CCNB3: variants seen among roughly 807,000 people sequenced by gnomAD.
CCNB3 encodes the protein G2/mitotic-specific cyclin-B3.
CCNB3 carries 12 observed loss-of-function variants against 68.0 expected under a neutral mutation model. The ratio of observed to expected loss-of-function variants is 0.18; its 90% confidence interval spans 0.11 to 0.29. The LOEUF (loss-of-function observed/expected upper bound fraction) is 0.29, where lower values mean the gene tolerates loss of function less well. CCNB3 is among the 10% of genes least tolerant of loss of function. The probability of loss-of-function intolerance (pLI) is 1.00; values close to 1 mark genes in which losing one functional copy is unlikely to be tolerated. For missense variants in CCNB3, 904 were observed against 993.1 expected (o/e 0.91, Z 1.21); for synonymous variants, 354 against 388.9 (o/e 0.91, Z 1.06).
intron 1 of CCNB3, among the ~76,000 whole-genome samples, chrX:50,279,833 A>C (rs1265188679): frequency 1.1e-5 from 1 of 88,481 alleles, no homozygotes; most frequent in Non-Finnish European, 2.1e-5. Context: ...ATATAAATAC[A>C]TATACTTTAT....
chrX:50,311,599 TG>T lies in CCNB3; in HGVS notation c.3327+104del, dbSNP rs201828940. 41 of 635,844 alleles carry T rather than the reference TG, an allele frequency of 6.4e-5. No individual in the cohort carries two copies. The African/African-American group carries it at 8.8e-4, about 14-fold the overall frequency. The allele number at this position is 635,844 out of a possible 1,213,427, so 52.4% of individuals were successfully genotyped here. ...TTTTTTTTTTGTTTTTGTTTTTTGT[TG>T]TTGTTGTTGTTTTTTTGCCTTCCTA... On this transcript the variant is annotated intron_variant, in intron 6 of 12. Transcript: ENST00000376042.
At chrX:50,295,293 T>G (rs1217549652) in intron 5 of CCNB3, among the ~76,000 whole-genome samples, 1 of 111,674 alleles carries the variant, frequency 9.0e-6, no homozygotes, top group Non-Finnish European at 1.9e-5. Flanking sequence ...AGTCTGTGCT[T>G]TATAGTGTGG....
At chrX:50,226,400 A>T (rs1345684908) in intron 1 of CCNB3, among the ~76,000 whole-genome samples, 1 of 18,967 alleles carries the variant, frequency 5.3e-5, no homozygotes, top group African/African-American at 2.6e-4. Context: ...AATATATATA[A>T]AAATATATAT....
chrX:50,307,714 A>G (rs897037290), intron 5 of CCNB3, among the ~76,000 whole-genome samples: 2 of 110,679 alleles, frequency 1.8e-5, no homozygotes, highest in South Asian at 3.9e-4. Flanking sequence ...GCCTCAGGAA[A>G]CCACTAGTCT....
upstream of CCNB3, chrX:50,202,858 A>G (rs782545341): frequency 9.0e-6 from 1 of 111,697 alleles, no homozygotes; most frequent in East Asian, 2.8e-4. Context: ...ATGTAAGGGA[A>G]GAATCAAGGC....
At chrX:50,290,192 G>T (rs1388846051) in intron 4 of CCNB3, among the ~76,000 whole-genome samples, 3 of 112,098 alleles carry the variant, frequency 2.7e-5, no homozygotes, top group African/African-American at 9.7e-5. Flanking sequence ...TGCAAGGAAA[G>T]TGTCTAAGTC....
intron 1 of CCNB3, among the ~76,000 whole-genome samples, chrX:50,279,845 AATATAAAATATATATACTAT>A (rs1389086527): frequency 1.0e-4 from 9 of 88,036 alleles, no homozygotes; most frequent in Non-Finnish European, 1.9e-4. Context: ...ATACTTTATA[AATATAAAATATATATACTAT>A]ATATAAAATA....
intron 1 of CCNB3, among the ~76,000 whole-genome samples, chrX:50,279,779 C>G (rs1161800376): frequency 1.2e-5 from 1 of 84,193 alleles, no homozygotes; most frequent in Non-Finnish European, 2.2e-5. Flanking sequence ...TATGTATATT[C>G]ATATATGTAA....
chrX:50,302,769 G>T, intron 5 of CCNB3, among the ~76,000 whole-genome samples: 1 of 111,763 alleles, frequency 8.9e-6, no homozygotes, highest in Non-Finnish European at 1.9e-5. Context: ...GGTTATCCGT[G>T]TCATAGCAGG....
At chrX:50,326,995 G>T (rs979297617) in intron 8 of CCNB3, among the ~76,000 whole-genome samples, 15 of 111,929 alleles carry the variant, frequency 1.3e-4, no homozygotes, top group Non-Finnish European at 2.1e-4. Flanking sequence ...CTTTCCTTTT[G>T]TTTCTTCTTA....
chrX:50,225,694 C>T (rs980343320), intron 1 of CCNB3, among the ~76,000 whole-genome samples: 13 of 109,338 alleles, frequency 1.2e-4, no homozygotes, highest in African/African-American at 2.0e-4. Context: ...GAATCATAGA[C>T]GATACCCAGC....
chrX:50,218,042 G>A (rs1411565332), intron 1 of CCNB3, among the ~76,000 whole-genome samples: 5 of 111,694 alleles, frequency 4.5e-5, no homozygotes, highest in South Asian at 3.7e-4. Context: ...TATTTGCATC[G>A]ACAGTGAATA....
In CCNB3 at chrX:50,309,445, A is replaced by G. The variant is rs1366635199; in HGVS notation, c.1276A>G (p.Thr426Ala). 4.1e-6 allele frequency: 5 copies of G among 1,211,133 alleles called. No individual in the cohort carries two copies. Among genetic ancestry groups the G allele is most frequent in the Non-Finnish European group, 5.6e-6 (5 of 895,067 alleles). Reference protein sequence around the residue: ...KPLSIKEKPSTEKESFSQEPS... With the variant: ...KPLSIKEKPSAEKESFSQEPS... ...ATTGTCCATTAAAGAAAAGCCATCT[A>G]CTGAGAAGGAGTCCTTTTCCCAGGA... Residue 426 changes from threonine (T) to alanine (A), a missense_variant, in exon 6 of 13, where the codon ACT (threonine) becomes GCT (alanine). This residue lies in a region of CCNB3 where 619 missense variants were observed against 609.8 expected (regional missense o/e 1.02). Coordinates refer to ENST00000376042, the MANE Select transcript of CCNB3 (RefSeq NM_033031.3).
intron 8 of CCNB3, among the ~76,000 whole-genome samples, chrX:50,323,594 G>A (rs1349087535): frequency 8.9e-6 from 1 of 112,207 alleles, no homozygotes; most frequent in Admixed American, 9.4e-5. Flanking sequence ...AGTATATTGG[G>A]AAACAGTTGA....
intron 1 of CCNB3, among the ~76,000 whole-genome samples, chrX:50,226,465 T>A (rs1248431824): frequency 3.0e-5 from 2 of 67,276 alleles, no homozygotes; most frequent in African/African-American, 1.3e-4. Flanking sequence ...TAAATATATA[T>A]AGAATATATA....
intron 4 of CCNB3, among the ~76,000 whole-genome samples, chrX:50,292,720 T>C (rs1424777641): frequency 1.8e-5 from 2 of 111,771 alleles, no homozygotes; most frequent in Non-Finnish European, 3.8e-5. Flanking sequence ...CTGTTCATTA[T>C]TGTACTTTAT....
rs1936065824 is a variant in CCNB3 at position 50,279,706 on chromosome X, ATG to A, written c.-112-4834_-112-4833del. On this transcript the variant is annotated intron_variant, in intron 1 of 12. Coordinates refer to ENST00000376042, the MANE Select transcript of CCNB3 (RefSeq NM_033031.3). ...CATCTATGCAAACATATATGTGAAT[ATG>A]TATATTCATATATGTAAATATATAT... Among the ~76,000 whole-genome samples the A allele has an allele frequency of 3.3e-5, 3 of 91,682 alleles. No homozygotes were observed. In the South Asian group the frequency reaches 1.5e-3, roughly 45 times the overall value. 79.6% of individuals were successfully genotyped at this position (91,682 alleles called of 115,157 possible).
intron 1 of CCNB3, among the ~76,000 whole-genome samples, chrX:50,227,811 AATAT>A (rs1242848795): frequency 1.2e-5 from 1 of 80,137 alleles, no homozygotes; most frequent in Non-Finnish European, 2.2e-5. Context: ...AATAAATATA[AATAT>A]ATAGAGAATA....
chrX:50,297,057 A>C (rs1557211244), intron 5 of CCNB3, among the ~76,000 whole-genome samples: 1 of 111,020 alleles, frequency 9.0e-6, no homozygotes, highest in South Asian at 3.8e-4. Flanking sequence ...AGGTTGCAAA[A>C]ATTTTCTCCC....
Sources: allele counts gnomAD v4.1 joint callset (sites outside exome capture counted in the v4.1 genomes callset), GRCh38; gene constraint gnomAD v4.1.1; regional missense constraint gnomAD v4.1.1; transcripts MANE v1.5; gene names NCBI Gene and HGNC (gene_info 2026-07-23, HGNC 2026-07-21).